The following IKZF2 variants were observed in gnomAD, a reference collection of about 807,000 sequenced individuals.
IKZF2 encodes the protein zinc finger protein Helios.
In IKZF2, 15 loss-of-function variants were observed where a neutral mutation model predicts 49.2. The observed-to-expected ratio is 0.30, with a 90% CI of 0.20 to 0.47. The LOEUF is 0.47. IKZF2 is among the 20% of genes least tolerant of loss of function. IKZF2 has a pLI of 1.00. For synonymous variants in IKZF2, 227 were observed against 221.4 expected (o/e 1.03, Z -0.23); for missense variants, 567 against 664.6 (o/e 0.85, Z 1.61).
At chr2:213,136,005 C>T (rs1485162230) in intron 4 of IKZF2, among the ~76,000 whole-genome samples, 1 of 144,914 alleles carries the variant, frequency 6.9e-6, no homozygotes. Flanking sequence ...AGCCAGATCG[C>T]GCCACGGCAC....
At chr2:213,025,349 C>T (rs1697703372) in intron 6 of IKZF2, among the ~76,000 whole-genome samples, 1 of 152,090 alleles carries the variant, frequency 6.6e-6, no homozygotes, top group Non-Finnish European at 1.5e-5. Flanking sequence ...TGTTTGTAAG[C>T]TCCAACTGGC....
intron 4 of IKZF2, among the ~76,000 whole-genome samples, chr2:213,137,514 C>A (rs1231073102): frequency 6.6e-6 from 1 of 151,986 alleles, no homozygotes; most frequent in Non-Finnish European, 1.5e-5. Flanking sequence ...GCAAGCATTT[C>A]TAATAGAAAT....
At position 213,013,940 on chromosome 2, in the gene IKZF2, C is replaced by T. The variant is rs1176432888; in HGVS notation, c.713-6G>A. 5 of 1,608,996 alleles carry T rather than the reference C, an allele frequency of 3.1e-6. No individual in the cohort carries two copies. Among genetic ancestry groups the T allele is most frequent in the Non-Finnish European group, 4.2e-6 (5 of 1,176,874 alleles). On this transcript the variant is annotated splice_polypyrimidine_tract_variant and splice_region_variant and intron_variant, in intron 7 of 8. Coordinates refer to ENST00000434687, the MANE Select transcript of IKZF2 (RefSeq NM_001387220.1). Reference sequence around the variant, plus strand: ...ACAATCTTCCATAGGAGGTACTATACAAAACCATAGAAAAATGCAATCTGA... The same window carrying T: ...ACAATCTTCCATAGGAGGTACTATATAAAACCATAGAAAAATGCAATCTGA...
chr2:213,138,245 G>T (rs1035397433), intron 4 of IKZF2, among the ~76,000 whole-genome samples: 2 of 152,004 alleles, frequency 1.3e-5, no homozygotes, highest in African/African-American at 4.8e-5. Flanking sequence ...TGATGATGGT[G>T]GTGTCATGGA....
At chr2:213,069,486 C>A (rs1416946004) in intron 4 of IKZF2, among the ~76,000 whole-genome samples, 1 of 152,146 alleles carries the variant, frequency 6.6e-6, no homozygotes, top group Admixed American at 6.6e-5. Flanking sequence ...TTCTTTCACA[C>A]TCCTAGCAGG....
intron 4 of IKZF2, 92 bp from the exon 5 acceptor site, chr2:213,057,191 G>T: frequency 1.9e-6 from 2 of 1,079,778 alleles, no homozygotes; most frequent in Non-Finnish European, 2.6e-6. Context: ...CTACTAAATG[G>T]ATGAAAATGA....
intron 5 of IKZF2, 37 bp downstream of exon 5, chr2:213,056,796 C>A: frequency 6.2e-7 from 1 of 1,611,676 alleles, no homozygotes; most frequent in South Asian, 1.1e-5. Flanking sequence ...CATCAGATGT[C>A]ACAGGCAGTC....
At chr2:213,108,826 A>G (rs1395597403) in intron 4 of IKZF2, among the ~76,000 whole-genome samples, 7 of 152,264 alleles carry the variant, frequency 4.6e-5, no homozygotes, top group Non-Finnish European at 7.4e-5. Context: ...AAAATCTATA[A>G]AAGTATAAAT....
At chr2:213,096,769 T>C (rs563070434) in intron 4 of IKZF2, among the ~76,000 whole-genome samples, 2 of 151,978 alleles carry the variant, frequency 1.3e-5, no homozygotes, top group South Asian at 2.1e-4. Context: ...TTCCCATATA[T>C]AAAACTGCCG....
chr2:213,024,505 G>A (rs987514114), intron 6 of IKZF2, among the ~76,000 whole-genome samples: 1 of 152,172 alleles, frequency 6.6e-6, no homozygotes, highest in African/African-American at 2.4e-5. Context: ...CAAAAGAATG[G>A]TGGTGTAGTA....
At chr2:213,125,865 T>C (rs2060243596) in intron 4 of IKZF2, among the ~76,000 whole-genome samples, 1 of 152,098 alleles carries the variant, frequency 6.6e-6, no homozygotes, top group African/African-American at 2.4e-5. Context: ...AGGGCAAGTA[T>C]GTACCATGCA....
At chr2:213,126,093 TCTCTATTTAGACTG>T (rs1034185042) in intron 4 of IKZF2, among the ~76,000 whole-genome samples, 1 of 152,280 alleles carries the variant, frequency 6.6e-6, no homozygotes, top group African/African-American at 2.4e-5. Flanking sequence ...TTACCTAGAA[TCTCTATTTAGACTG>T]CTCTTTAGCC....
intron 6 of IKZF2, among the ~76,000 whole-genome samples, chr2:213,038,553 T>C (rs193062016): frequency 2.8e-4 from 42 of 151,488 alleles, no homozygotes; most frequent in African/African-American, 9.5e-4. Context: ...CTGAAGAAGT[T>C]ATTTATGTAC....
chr2:213,150,908 T>G (rs537601332), intron 1 of IKZF2, among the ~76,000 whole-genome samples: 113 of 152,026 alleles, frequency 7.4e-4, no homozygotes, highest in Non-Finnish European at 1.4e-3. Context: ...TTTTTGGTTT[T>G]TTTTTTTTTT....
intron 4 of IKZF2, among the ~76,000 whole-genome samples, chr2:213,088,182 G>T (rs962757681): frequency 5.9e-5 from 9 of 152,052 alleles, no homozygotes; most frequent in African/African-American, 2.2e-4. Context: ...TTCCTGACTT[G>T]TTAATGATCG....
At chr2:213,104,337 C>T (rs563071011) in intron 4 of IKZF2, among the ~76,000 whole-genome samples, 1 of 152,072 alleles carries the variant, frequency 6.6e-6, no homozygotes, top group South Asian at 2.1e-4. Context: ...GCAAGGGGTT[C>T]TCAGCCCATT....
intron 6 of IKZF2, among the ~76,000 whole-genome samples, chr2:213,046,096 A>G (rs947800770): frequency 3.9e-5 from 6 of 152,110 alleles, no homozygotes; most frequent in African/African-American, 1.4e-4. Flanking sequence ...AACAATAACT[A>G]ATCTCCATTT....
chr2:213,066,005 C>T (rs1272232896), intron 4 of IKZF2, among the ~76,000 whole-genome samples: 4 of 152,082 alleles, frequency 2.6e-5, no homozygotes, highest in Admixed American at 1.3e-4. Flanking sequence ...TGCCAAATTT[C>T]CTGAGCGTGG....
chr2:213,138,534 T>C (rs1574976998), intron 4 of IKZF2, among the ~76,000 whole-genome samples: 1 of 152,026 alleles, frequency 6.6e-6, no homozygotes, highest in Non-Finnish European at 1.5e-5. Flanking sequence ...ATATGTAATA[T>C]GCTAATCTTA....
Sources: allele counts gnomAD v4.1 joint callset (sites outside exome capture counted in the v4.1 genomes callset), GRCh38; gene constraint gnomAD v4.1.1; transcripts MANE v1.5; gene names NCBI Gene and HGNC (gene_info 2026-07-23, HGNC 2026-07-21).